SAMD4A: variants seen among roughly 807,000 people sequenced by gnomAD.
The protein encoded by SAMD4A is sterile alpha motif domain containing 4A.
A neutral mutation model predicts 81.3 loss-of-function variants in SAMD4A; 33 were observed. That is an observed-to-expected ratio of 0.41 (90% CI 0.31 to 0.54). SAMD4A has a LOEUF of 0.54. Among genes scored for constraint, SAMD4A ranks in the 20% least tolerant of loss-of-function variants. SAMD4A has a pLI of 0.37. For missense variants in SAMD4A, 854 were observed against 951.1 expected (o/e 0.90, Z 1.34); for synonymous variants, 389 against 382.1 (o/e 1.02, Z -0.21).
At chr14:54,679,419 G>A (rs866627845) in intron 2 of SAMD4A, among the ~76,000 whole-genome samples, 6 of 152,184 alleles carry the variant, frequency 3.9e-5, no homozygotes, top group Admixed American at 6.5e-5. Context: ...TTCTAAAAAT[G>A]CCAAAAATAC....
intron 9 of SAMD4A, among the ~76,000 whole-genome samples, chr14:54,774,654 A>G (rs2038789957): frequency 6.7e-6 from 1 of 149,526 alleles, no homozygotes; most frequent in African/African-American, 2.5e-5. Context: ...ATCTCTACCA[A>G]AAAAAAAAAG....
intron 2 of SAMD4A, among the ~76,000 whole-genome samples, chr14:54,606,443 G>T (rs1338859329): frequency 6.6e-6 from 1 of 152,202 alleles, no homozygotes; most frequent in Non-Finnish European, 1.5e-5. Flanking sequence ...TCCTTTGTGG[G>T]AGGCAGAGCT....
chr14:54,737,204 C>G lies in SAMD4A; in HGVS notation c.896C>G (p.Ser299Cys). Residue 299 changes from serine to cysteine, a missense_variant, in exon 4 of 13, where the codon TCT (serine) becomes TGT (cysteine). Around this residue, in one of 3 missense-constraint regions of SAMD4A, gnomAD observed 387 missense variants for 405.8 expected, o/e 0.95. Coordinates refer to ENST00000554335, the MANE Select transcript of SAMD4A (RefSeq NM_015589.6). ...APLSPQSSVA[S>C]SGSGGSEHLE... is the part of the protein sequence containing the mutation. ...CTGTCTCCACAAAGCAGTGTAGCCTCTTCAGGAAGTGGTGGGAGTGAACAC... is the reference window on the plus strand; with the variant it reads ...CTGTCTCCACAAAGCAGTGTAGCCTGTTCAGGAAGTGGTGGGAGTGAACAC... The G allele has an allele frequency of 6.2e-7, 1 of 1,614,146 alleles. No individual in the cohort carries two copies. The highest frequency in any genetic ancestry group is 1.7e-5 in the Admixed American group (1 of 60,024).
chr14:54,731,091 A>G lies in SAMD4A; in HGVS notation c.716-5933A>G, dbSNP rs372669159. On this transcript the variant is annotated intron_variant, in intron 3 of 12. Transcript: ENST00000554335. The stretch of plus-strand genomic sequence containing the variant: ...TGGTGTTATCGAAAAAATTTGTGGG[A>G]TAGAAACTGGAATATCCCTGAGAAG... Among the ~76,000 whole-genome samples the G allele has an allele frequency of 9.8e-5, 15 of 152,338 alleles. 1 individual carries two copies. Among genetic ancestry groups the G allele is most frequent in the Admixed American group, 5.2e-4 (8 of 15,300 alleles).
chr14:54,668,070 A>G (rs2035794002), intron 2 of SAMD4A, among the ~76,000 whole-genome samples: 1 of 152,148 alleles, frequency 6.6e-6, no homozygotes, highest in Non-Finnish European at 1.5e-5. Flanking sequence ...CGCCTCAAAA[A>G]CTGCCCATTG....
At chr14:54,758,539 AAT>A (rs201421362) in intron 6 of SAMD4A, among the ~76,000 whole-genome samples, 2,207 of 152,324 alleles carry the variant, frequency 0.014, 21 homozygotes, top group Middle Eastern at 0.054. Context: ...CAGGAAATTA[AAT>A]ACTTTGGGCT....
intron 2 of SAMD4A, among the ~76,000 whole-genome samples, chr14:54,628,084 T>C (rs558257796): frequency 2.0e-5 from 3 of 152,244 alleles, no homozygotes; most frequent in African/African-American, 7.2e-5. Context: ...TGAAATTCCA[T>C]TTCCTCTCCT....
At chr14:54,577,511 C>G (rs963766569) in intron 2 of SAMD4A, among the ~76,000 whole-genome samples, 50 of 152,246 alleles carry the variant, frequency 3.3e-4, no homozygotes, top group African/African-American at 1.2e-3. Flanking sequence ...GTAGCCCCTA[C>G]ATTGGCATCC....
chr14:54,670,379 A>G (rs1442415575), intron 2 of SAMD4A, among the ~76,000 whole-genome samples: 6 of 152,214 alleles, frequency 3.9e-5, no homozygotes, highest in African/African-American at 1.4e-4. Flanking sequence ...GAAGCCAAGA[A>G]TGAATGGGCC....
Position 54,750,503 on chromosome 14 carries a change from A to T in SAMD4A, c.1090-948A>T, listed in dbSNP as rs200582748. Among the ~76,000 whole-genome samples the T allele has an allele frequency of 1.3e-3, 192 of 152,354 alleles. 2 individuals carry two copies. Among genetic ancestry groups the T allele is most frequent in the Non-Finnish European group, 1.4e-3 (92 of 68,038 alleles). On this transcript the variant is annotated intron_variant, in intron 5 of 12. Coordinates refer to ENST00000554335, the MANE Select transcript of SAMD4A (RefSeq NM_015589.6). ...ATCCTTAGGCTCACCATTGCTACCC[A>T]GTTAAGAAGATAAAATCCACAACTC...
chr14:54,623,624 T>C (rs576248031), intron 2 of SAMD4A, among the ~76,000 whole-genome samples: 22 of 48,764 alleles, frequency 4.5e-4, no homozygotes, highest in South Asian at 1.6e-3. Context: ...TAGGGATCAG[T>C]TGGGGAGGGT....
At chr14:54,766,655 T>C (rs1467625489) in intron 8 of SAMD4A, among the ~76,000 whole-genome samples, 1 of 152,136 alleles carries the variant, frequency 6.6e-6, no homozygotes, top group Non-Finnish European at 1.5e-5. Context: ...TGTGGGTGGC[T>C]TGGGGCAGAC....
intron 3 of SAMD4A, among the ~76,000 whole-genome samples, chr14:54,727,382 G>T (rs991343380): frequency 6.6e-6 from 1 of 151,566 alleles, no homozygotes; most frequent in Non-Finnish European, 1.5e-5. Flanking sequence ...TAGAGACAGG[G>T]TTTCACCATG....
chr14:54,677,733 T>C (rs2140548064), intron 2 of SAMD4A, among the ~76,000 whole-genome samples: 1 of 152,364 alleles, frequency 6.6e-6, no homozygotes, highest in South Asian at 2.1e-4. Flanking sequence ...CATTCTCGAA[T>C]ACCACAATAT....
chr14:54,761,725 C>T (rs1000906193), intron 7 of SAMD4A, among the ~76,000 whole-genome samples: 1 of 152,242 alleles, frequency 6.6e-6, no homozygotes, highest in Non-Finnish European at 1.5e-5. Flanking sequence ...CACTCTTTTC[C>T]TCACCCCATT....
chr14:54,631,555 G>T lies in SAMD4A; in HGVS notation c.196+63443G>T, dbSNP rs138597661. 4.6e-5 allele frequency among the ~76,000 whole-genome samples: 7 copies of T among 152,286 alleles called. No individual in the cohort carries two copies. In the East Asian group the frequency reaches 1.2e-3, roughly 25 times the overall value. ...GACAAAGCAACTTTGGAGGGCTCCA[G>T]GTGGTCATTTCTAGGGCAGATGTTT... On this transcript the variant is annotated intron_variant, in intron 2 of 12. Coordinates refer to ENST00000554335, the MANE Select transcript of SAMD4A (RefSeq NM_015589.6).
intron 3 of SAMD4A, among the ~76,000 whole-genome samples, chr14:54,733,047 G>A (rs182378318): frequency 6.6e-6 from 1 of 152,232 alleles, no homozygotes; most frequent in Admixed American, 6.5e-5. Flanking sequence ...AAAAGGTGCT[G>A]AAAGAGTTCT....
intron 3 of SAMD4A, among the ~76,000 whole-genome samples, chr14:54,735,541 A>G (rs1367099045): frequency 6.6e-6 from 1 of 152,000 alleles, no homozygotes; most frequent in Non-Finnish European, 1.5e-5. Flanking sequence ...GATTGTCCCC[A>G]CTTCACATAC....
At chr14:54,705,990 T>C (rs1248115893) in intron 3 of SAMD4A, among the ~76,000 whole-genome samples, 1 of 152,206 alleles carries the variant, frequency 6.6e-6, no homozygotes, top group East Asian at 1.9e-4. Context: ...CAGTTGAATG[T>C]AGGCCTATCC....
Sources: gnomAD v4.1 joint callset for allele counts (sites outside exome capture counted in the v4.1 genomes callset) on GRCh38, gnomAD v4.1.1 for gene constraint, gnomAD v4.1.1 regional missense constraint, MANE v1.5 for transcripts, NCBI Gene and HGNC (gene_info 2026-07-23, HGNC 2026-07-21) for gene names.